The following SASH1 variants were observed in gnomAD, a reference collection of about 807,000 sequenced individuals.
The protein encoded by SASH1 is SAM and SH3 domain containing 1.
A neutral mutation model predicts 125.2 loss-of-function variants in SASH1; 44 were observed. The observed-to-expected ratio is 0.35, with a 90% CI of 0.28 to 0.45. SASH1 has a LOEUF of 0.45. SASH1 is among the 20% of genes least tolerant of loss of function. The probability of loss-of-function intolerance (pLI) is 1.00; values close to 1 mark genes in which losing one functional copy is unlikely to be tolerated. For missense variants in SASH1, 1,426 were observed against 1,614.5 expected, an observed-to-expected ratio of 0.88 and a Z score of 2.00; for synonymous variants, 639 against 649.1, an observed-to-expected ratio of 0.98 and a Z score of 0.24.
At chr6:148,431,249 G>T (rs1583147802) in intron 2 of SASH1, among the ~76,000 whole-genome samples, 2 of 151,902 alleles carry the variant, frequency 1.3e-5, no homozygotes, top group Admixed American at 6.6e-5. Flanking sequence ...CCCAGGCTGG[G>T]GTGCAGTGGC....
At chr6:148,340,014 G>A (rs940868478), upstream of SASH1, among the ~76,000 whole-genome samples, 1 of 152,188 alleles carries the variant, frequency 6.6e-6, no homozygotes, top group Non-Finnish European at 1.5e-5. Flanking sequence ...CAGGTCATCT[G>A]ATGAGTCAAG....
At chr6:148,433,408 T>TTTTTC (rs1376972365) in intron 2 of SASH1, among the ~76,000 whole-genome samples, 1 of 41,480 alleles carries the variant, frequency 2.4e-5, no homozygotes, top group Non-Finnish European at 4.6e-5. Flanking sequence ...TCTTTTTTCT[T>TTTTTC]TTTTTTTTTT....
intron 4 of SASH1, among the ~76,000 whole-genome samples, chr6:148,443,990 G>A (rs1583168920): frequency 6.6e-6 from 1 of 152,160 alleles, no homozygotes; most frequent in Admixed American, 6.5e-5. Flanking sequence ...GTGGTGTTCT[G>A]TGGGCAGAAG....
chr6:148,411,783 A>G (rs1180494479), intron 2 of SASH1, among the ~76,000 whole-genome samples: 1 of 152,234 alleles, frequency 6.6e-6, no homozygotes, highest in Non-Finnish European at 1.5e-5. Context: ...ACCTCAAGTG[A>G]TCTGCCTGCC....
chr6:148,546,933 T>G (rs933862371), intron 19 of SASH1, among the ~76,000 whole-genome samples: 16 of 152,116 alleles, frequency 1.1e-4, no homozygotes, highest in Non-Finnish European at 2.4e-4. Flanking sequence ...CCCCTATCCA[T>G]GAGGGATTAT....
chr6:148,195,019 TG>T, the SASH1 span, among the ~76,000 whole-genome samples: 2 of 152,232 alleles, frequency 1.3e-5, no homozygotes, highest in Non-Finnish European at 2.9e-5. Flanking sequence ...GGTAAAAAAA[TG>T]TATTATTATT....
chr6:148,225,466 T>C, the SASH1 span, among the ~76,000 whole-genome samples: 4 of 152,150 alleles, frequency 2.6e-5, no homozygotes, highest in African/African-American at 9.7e-5. Context: ...GTAAAGTAAC[T>C]CAGGAATGGA....
intron 1 of SASH1, among the ~76,000 whole-genome samples, chr6:148,351,434 A>G (rs866138861): frequency 3.3e-5 from 5 of 151,822 alleles, no homozygotes; most frequent in Non-Finnish European, 5.9e-5. Flanking sequence ...TTCATTCACT[A>G]TTTGCTAGAT....
At chr6:148,377,232 A>C (rs1047142634) in intron 1 of SASH1, among the ~76,000 whole-genome samples, 46 of 151,908 alleles carry the variant, frequency 3.0e-4, no homozygotes, top group East Asian at 1.2e-3. Context: ...ACAAAAAAAA[A>C]CACAAAAGAT....
chr6:148,235,987 GA>G, the SASH1 span, among the ~76,000 whole-genome samples: 1 of 152,130 alleles, frequency 6.6e-6, no homozygotes, highest in Non-Finnish European at 1.5e-5. Context: ...CAAGGACTCT[GA>G]AGGACCCTGT....
intron 4 of SASH1, among the ~76,000 whole-genome samples, chr6:148,443,492 T>A (rs3933217): frequency 2.1e-4 from 20 of 95,458 alleles, no homozygotes; most frequent in South Asian, 5.1e-4. Context: ...TATATATATT[T>A]TATATATATG....
At chr6:148,389,611 A>G (rs761805723) in intron 1 of SASH1, among the ~76,000 whole-genome samples, 4 of 152,196 alleles carry the variant, frequency 2.6e-5, no homozygotes, top group Admixed American at 2.6e-4. Flanking sequence ...GCAATTCTCT[A>G]TCGGTTCCTG....
the SASH1 span, among the ~76,000 whole-genome samples, chr6:148,218,028 T>A: frequency 0.075 from 10,597 of 140,750 alleles, 471 homozygotes; most frequent in African/African-American, 0.13. Context: ...AAAAAAAAAA[T>A]AAATAAAAAA....
chr6:148,350,849 G>C (rs12661272), intron 1 of SASH1, among the ~76,000 whole-genome samples: 38,151 of 152,060 alleles, frequency 0.25, 5,719 homozygotes, highest in African/African-American at 0.42. Flanking sequence ...TATTTTTTGA[G>C]TACATAAATT....
intron 2 of SASH1, among the ~76,000 whole-genome samples, chr6:148,396,181 T>C (rs1385268391): frequency 2.0e-5 from 3 of 152,026 alleles, no homozygotes; most frequent in African/African-American, 7.2e-5. Context: ...TGAAAGGTCA[T>C]AGCAGGGCCA....
the SASH1 span, among the ~76,000 whole-genome samples, chr6:148,198,821 AGTTTT>A: frequency 1.3e-5 from 2 of 152,210 alleles, no homozygotes; most frequent in Non-Finnish European, 2.9e-5. Context: ...ATCCAGGGAC[AGTTTT>A]GTTTTGTTTT....
intron 1 of SASH1, among the ~76,000 whole-genome samples, chr6:148,387,587 T>C (rs1457226392): frequency 1.1e-3 from 8 of 7,350 alleles, no homozygotes; most frequent in Middle Eastern, 0.083. Context: ...TTTCTTTCTT[T>C]CTTTCTTTCT....
intron 1 of SASH1, among the ~76,000 whole-genome samples, chr6:148,284,412 C>T (rs544691104): frequency 6.6e-6 from 1 of 152,224 alleles, no homozygotes; most frequent in East Asian, 1.9e-4. Flanking sequence ...GCACTCCAGC[C>T]TGGGTGACAG....
chr6:148,277,112 G>A (rs1779207253), intron 1 of SASH1, among the ~76,000 whole-genome samples: 1 of 152,082 alleles, frequency 6.6e-6, no homozygotes, highest in African/African-American at 2.4e-5. Flanking sequence ...CCCATAACTA[G>A]GATATATGGG....
Sources: gnomAD v4.1 joint callset for allele counts (sites outside exome capture counted in the v4.1 genomes callset) on GRCh38, gnomAD v4.1.1 for gene constraint, MANE v1.5 for transcripts, NCBI Gene and HGNC (gene_info 2026-07-23, HGNC 2026-07-21) for gene names.